Variants in DOP1B observed in about 807,000 individuals in gnomAD.
DOP1B encodes the protein protein DOP1B.
DOP1B carries 174 observed loss-of-function variants against 233.5 expected under a neutral mutation model. The observed-to-expected ratio is 0.75, with a 90% CI of 0.66 to 0.85. The LOEUF (loss-of-function observed/expected upper bound fraction) is 0.85. Ranked by LOEUF, DOP1B falls within the 40% of genes least tolerant of loss-of-function variation. The pLI is 0.00. For synonymous variants in DOP1B, 1,190 were observed against 1,185.6 expected, an observed-to-expected ratio of 1.00 and a Z score of -0.08; for missense variants, 2,652 against 2,846.6, an observed-to-expected ratio of 0.93 and a Z score of 1.56.
rs1569049939 is a variant in DOP1B, at chr21:36,248,442, G to GC, written c.4874dup (p.Arg1626SerfsTer4). ...CCAGAAATGCCATTTTGGAAGAGCT[G>GC]CCTCGAACTGTTAACACCATGGCCC... is the stretch of plus-strand genomic sequence containing the variant. On this transcript the variant is annotated frameshift_variant, in exon 21 of 37. Coordinates refer to ENST00000691173, the MANE Select transcript of DOP1B (RefSeq NM_001320714.2). LOFTEE classifies it high-confidence loss of function. The GC allele has an allele frequency of 3.1e-6, 5 of 1,614,052 alleles. No homozygotes were observed. The highest frequency in any genetic ancestry group is 4.2e-6 in the Non-Finnish European group (5 of 1,179,934).
intron 14 of DOP1B, among the ~76,000 whole-genome samples, chr21:36,232,435 C>T (rs986974787): frequency 5.3e-5 from 8 of 152,142 alleles, no homozygotes; most frequent in African/African-American, 1.9e-4. Flanking sequence ...ACTTTTTGGC[C>T]TCTTCAGCTT....
chr21:36,238,970 G>T (rs746763847), intron 17 of DOP1B, among the ~76,000 whole-genome samples: 1 of 152,156 alleles, frequency 6.6e-6, no homozygotes, highest in South Asian at 2.1e-4. Flanking sequence ...GGGCGTGGTG[G>T]TGGGCACCTG....
At chr21:36,239,404 CAG>C (rs1170658182) in intron 17 of DOP1B, among the ~76,000 whole-genome samples, 1 of 152,176 alleles carries the variant, frequency 6.6e-6, no homozygotes, top group Admixed American at 6.5e-5. Flanking sequence ...AACTTGATTG[CAG>C]CCCATTGTAT....
chr21:36,169,623 C>T (rs1005721597), intron 2 of DOP1B: 14 of 933,140 alleles, frequency 1.5e-5, no homozygotes, highest in Admixed American at 5.1e-5. Flanking sequence ...ATGGTGCCTC[C>T]GTTCACTTGG....
intron 1 of DOP1B, among the ~76,000 whole-genome samples, chr21:36,163,644 C>G (rs1027327231): frequency 9.9e-5 from 15 of 152,204 alleles, no homozygotes; most frequent in Admixed American, 3.3e-4. Context: ...TCCTTTCAGA[C>G]TGAGCAGTAC....
chr21:36,272,706 C>T (rs1233214760), intron 27 of DOP1B, among the ~76,000 whole-genome samples: 1 of 148,552 alleles, frequency 6.7e-6, no homozygotes, highest in Non-Finnish European at 1.5e-5. Flanking sequence ...CATCTCAGGC[C>T]GGGCGCGGTG....
At chr21:36,264,874 G>A (rs2067215173) in intron 26 of DOP1B, among the ~76,000 whole-genome samples, 2 of 152,156 alleles carry the variant, frequency 1.3e-5, no homozygotes, top group Admixed American at 1.3e-4. Flanking sequence ...ACTCATCATA[G>A]GAGAAGGAAA....
chr21:36,181,382 A>T (rs2066096619), intron 2 of DOP1B, among the ~76,000 whole-genome samples: 1 of 151,948 alleles, frequency 6.6e-6, no homozygotes. Flanking sequence ...AGGCTCAAGC[A>T]ATTCTCCTGC....
intron 2 of DOP1B, among the ~76,000 whole-genome samples, chr21:36,185,611 C>G (rs1260366011): frequency 3.3e-5 from 5 of 152,190 alleles, no homozygotes; most frequent in Non-Finnish European, 7.3e-5. Flanking sequence ...GAAGCCCACA[C>G]TCCAGGGTTG....
intron 32 of DOP1B, among the ~76,000 whole-genome samples, chr21:36,286,645 C>CAG (rs57305929): frequency 0.02 from 1,043 of 52,016 alleles, 11 homozygotes; most frequent in African/African-American, 0.15. Context: ...CAAAAACACA[C>CAG]ACACACACAC....
chr21:36,220,881 G>A (rs531622036), intron 10 of DOP1B, among the ~76,000 whole-genome samples: 1 of 152,096 alleles, frequency 6.6e-6, no homozygotes, highest in South Asian at 2.1e-4. Context: ...CACCATCAAT[G>A]GTCACTGCAG....
chr21:36,162,716 T>G (rs567340130), intron 1 of DOP1B, among the ~76,000 whole-genome samples: 23 of 152,132 alleles, frequency 1.5e-4, no homozygotes, highest in African/African-American at 5.3e-4. Flanking sequence ...TTTTTTATGT[T>G]TATTTTTTGG....
intron 8 of DOP1B, 52 bp downstream of exon 8, chr21:36,214,242 G>C (rs1026604572): frequency 6.7e-7 from 1 of 1,498,756 alleles, no homozygotes; most frequent in Non-Finnish European, 9.2e-7. Context: ...CGATTCTCCA[G>C]TGGATTTCTT....
At chr21:36,226,306 T>C (rs148179190) in intron 12 of DOP1B, among the ~76,000 whole-genome samples, 2,102 of 152,160 alleles carry the variant, frequency 0.014, 46 homozygotes, top group African/African-American at 0.048. Flanking sequence ...CTTTTTTTTT[T>C]TTTCTCCTGT....
chr21:36,220,011 T>A (rs1047826760), intron 10 of DOP1B, among the ~76,000 whole-genome samples: 3 of 151,738 alleles, frequency 2.0e-5, no homozygotes, highest in Non-Finnish European at 4.4e-5. Context: ...GCAGAGTGAG[T>A]GGTGTTTGGA....
At chr21:36,256,665 A>T (rs1381898150) in intron 23 of DOP1B, among the ~76,000 whole-genome samples, 1 of 152,182 alleles carries the variant, frequency 6.6e-6, no homozygotes, top group African/African-American at 2.4e-5. Context: ...CACGTGCTAC[A>T]CAACATGGAT....
In DOP1B at chr21:36,212,121, T is replaced by A. The variant is rs562686672; in HGVS notation, c.904+24T>A. 5 of 1,536,172 alleles carry A rather than the reference T, an allele frequency of 3.3e-6. No individual in the cohort carries two copies. In the East Asian group the frequency reaches 1.2e-4, roughly 36 times the overall value. The stretch of plus-strand genomic sequence containing the variant: ...AGGTACTGAGCAGTATACACCCTTT[T>A]AAAGTCAAAGTTAATATGAAACCTT... On this transcript the variant is annotated intron_variant, in intron 7 of 36. Transcript: ENST00000691173.
rs369551595 is a variant in DOP1B at position 36,263,658 on chromosome 21, G to A, written c.5420+8G>A. The stretch of plus-strand genomic sequence containing the variant: ...GTATTTTCTGCTTCTCAGGTATCAT[G>A]TCACCACATTGTCATTGTGTAATAT... On this transcript the variant is annotated splice_region_variant and intron_variant, in intron 25 of 36. Coordinates refer to ENST00000691173, the MANE Select transcript of DOP1B (RefSeq NM_001320714.2). 183 of 1,613,458 alleles carry A rather than the reference G, an allele frequency of 1.1e-4. No homozygotes were observed. Among genetic ancestry groups the A allele is most frequent in the Middle Eastern group, 1.6e-4 (1 of 6,084 alleles).
chr21:36,200,499 C>A lies in DOP1B; in HGVS notation c.489C>A (p.Asp163Glu), dbSNP rs149183598. 1.9e-6 allele frequency: 3 copies of A among 1,605,296 alleles called. No homozygotes were observed. The highest frequency in any genetic ancestry group is 2.5e-6 in the Non-Finnish European group (3 of 1,177,058). ...PGLEEGSEIS[D>E]RTDALLLRLS... ...TTGAAGAGGGCTCCGAGATCTCCGA[C>A]AGGTGCGTGGGCGTCTTGTCCAGGC... The change falls in exon 4 of 37, where the codon GAC (aspartate) becomes GAA (glutamate). Residue 163 changes from aspartate (D) to glutamate (E), a missense_variant and splice_region_variant. Physicochemically the swap from Asp to Glu is conservative, Grantham distance 45. This residue lies in a region of DOP1B where 2,617 missense variants were observed against 2,794.3 expected (regional missense o/e 0.94). Transcript: ENST00000691173.
Sources: gnomAD v4.1 joint callset for allele counts (sites outside exome capture counted in the v4.1 genomes callset) on GRCh38, gnomAD v4.1.1 for gene constraint, gnomAD v4.1.1 regional missense constraint, MANE v1.5 for transcripts, NCBI Gene and HGNC (gene_info 2026-07-23, HGNC 2026-07-21) for gene names.